The following DIAPH1 variants were observed in gnomAD, a reference collection of about 807,000 sequenced individuals.
DIAPH1 encodes protein diaphanous homolog 1.
DIAPH1 carries 46 observed loss-of-function variants against 140.7 expected under a neutral mutation model. The observed-to-expected ratio is 0.33, with a 90% CI of 0.26 to 0.42. The LOEUF is 0.42. DIAPH1 is among the 10% of genes least tolerant of loss of function. The pLI is 1.00. For missense variants in DIAPH1, 1,310 were observed against 1,558.7 expected, an observed-to-expected ratio of 0.84 and a Z score of 2.69; for synonymous variants, 565 against 551.6, an observed-to-expected ratio of 1.02 and a Z score of -0.34.
At chr5:141,553,583 C>T (rs1400279148) in intron 18 of DIAPH1, among the ~76,000 whole-genome samples, 4 of 151,818 alleles carry the variant, frequency 2.6e-5, no homozygotes, top group African/African-American at 9.7e-5. Context: ...GCAGAGGTTG[C>T]GGTGAGCCAA....
At chr5:141,524,281 G>A (rs760619932) in intron 26 of DIAPH1, 52 bp from the exon 27 acceptor site, 2 of 1,529,726 alleles carry the variant, frequency 1.3e-6, no homozygotes, top group South Asian at 2.2e-5. Context: ...GAGCAGCATG[G>A]CAAATATCAA....
In DIAPH1 at chr5:141,524,129, A is replaced by G. The variant is rs763939386; in HGVS notation, c.3661+14T>C. 3.2e-5 allele frequency: 52 copies of G among 1,613,200 alleles called. No homozygotes were observed. In the East Asian group the frequency reaches 1.1e-3, roughly 35 times the overall value. On this transcript the variant is annotated intron_variant, in intron 27 of 27. Coordinates refer to ENST00000389054, the MANE Select transcript of DIAPH1 (RefSeq NM_005219.5). ...CCCTTCGACACCCAGGATGAGCTCC[A>G]TGTGCTTACTTACCTTGACGGGGCC...
At chr5:141,605,089 C>T (rs2099900730) in intron 1 of DIAPH1, among the ~76,000 whole-genome samples, 1 of 151,956 alleles carries the variant, frequency 6.6e-6, no homozygotes, top group South Asian at 2.1e-4. Context: ...TTGGTTCTAA[C>T]CATTAAAAAA....
chr5:141,612,780 TAA>T (rs2099902045), intron 1 of DIAPH1, among the ~76,000 whole-genome samples: 1 of 152,172 alleles, frequency 6.6e-6, no homozygotes, highest in Admixed American at 6.5e-5. Context: ...AATAATGCTG[TAA>T]AAATAGAGAT....
intron 26 of DIAPH1, chr5:141,524,611 T>G: frequency 3.0e-6 from 1 of 333,512 alleles, no homozygotes; most frequent in Admixed American, 4.2e-5. Context: ...TATCCTAAAG[T>G]GTTTTGCCTG....
intron 1 of DIAPH1, among the ~76,000 whole-genome samples, chr5:141,600,588 G>A (rs897545843): frequency 3.3e-5 from 5 of 152,180 alleles, no homozygotes; most frequent in African/African-American, 1.2e-4. Context: ...CTACAAGTAT[G>A]ATTTTGAGCA....
intron 18 of DIAPH1, among the ~76,000 whole-genome samples, chr5:141,538,965 T>A (rs1208125791): frequency 6.6e-6 from 1 of 152,096 alleles, no homozygotes; most frequent in African/African-American, 2.4e-5. Flanking sequence ...GCCATCAGGG[T>A]AATACTAGCC....
In DIAPH1 at chr5:141,587,102, T is replaced by C. The variant is rs1357103310; in HGVS notation, c.240A>G (p.Thr80=). 1 of 1,614,210 alleles carries C rather than the reference T, an allele frequency of 6.2e-7. No individual in the cohort carries two copies. Among genetic ancestry groups the C allele is most frequent in the Admixed American group, 1.7e-5 (1 of 60,032 alleles). The change falls in exon 3 of 28, where the codon ACA becomes ACG. Residue 80 remains threonine, a synonymous_variant. Coordinates refer to ENST00000389054, the MANE Select transcript of DIAPH1 (RefSeq NM_005219.5). The part of the protein sequence containing the change: ...NSSASYGDDP[T]AQSLQDVSDE... ...CTGAAACATCTTGCAATGACTGTGC[T>C]GTGGGATCATCCCCATATGATGCAG...
Position 141,577,497 on chromosome 5 carries a change from C to G in DIAPH1, c.1258G>C (p.Val420Leu). ...TACCTGGCCTCATAGTCATTTCGGA[C>G]CAAGAGTAAGTGCTGCAGGATGGAA... Reference protein sequence around the residue: ...FLSILQHLLLVRNDYEARPQY... With the variant: ...FLSILQHLLLLRNDYEARPQY... Residue 420 changes from valine to leucine, a missense_variant, in exon 12 of 28, where the codon GTC becomes CTC. By Grantham distance (32) the Val-to-Leu change is conservative. This residue lies in a region of DIAPH1 where 589 missense variants were observed against 549.3 expected (regional missense o/e 1.07). Coordinates refer to ENST00000389054, the MANE Select transcript of DIAPH1 (RefSeq NM_005219.5). The G allele has an allele frequency of 6.2e-7, 1 of 1,613,390 alleles. No homozygotes were observed. Among genetic ancestry groups the G allele is most frequent in the African/African-American group, 1.3e-5 (1 of 74,986 alleles).
intron 19 of DIAPH1, among the ~76,000 whole-genome samples, chr5:141,532,237 T>A (rs1390977254): frequency 1.3e-5 from 2 of 152,066 alleles, no homozygotes; most frequent in African/African-American, 4.8e-5. Flanking sequence ...AGTGGTGCAA[T>A]CACAGCTCAC....
chr5:141,617,299 G>A (rs543529010), intron 1 of DIAPH1, among the ~76,000 whole-genome samples: 12 of 151,318 alleles, frequency 7.9e-5, no homozygotes, highest in Admixed American at 4.6e-4. Flanking sequence ...TATATTTCTA[G>A]GGGGGGAAAA....
At chr5:141,532,179 GTTTT>G (rs375556814) in intron 19 of DIAPH1, among the ~76,000 whole-genome samples, 1 of 146,090 alleles carries the variant, frequency 6.8e-6, no homozygotes, top group Admixed American at 6.9e-5. Flanking sequence ...TAATTTTTTG[GTTTT>G]TTTTTTTGAG....
chr5:141,574,815 A>T (rs1233958662), intron 15 of DIAPH1, 152 bp downstream of exon 15: 2 of 811,452 alleles, frequency 2.5e-6, no homozygotes, highest in East Asian at 5.2e-5. Context: ...CACAAACCAA[A>T]AACCAGTATA....
chr5:141,528,158 C>T (rs1448125345), intron 23 of DIAPH1, among the ~76,000 whole-genome samples: 2 of 152,072 alleles, frequency 1.3e-5, no homozygotes, highest in African/African-American at 4.8e-5. Context: ...TTAATGTAGT[C>T]TATGTTTTCT....
In DIAPH1 at chr5:141,577,495, G is replaced by A. The variant is rs1401356451; in HGVS notation, c.1260C>T (p.Val420=). Residue 420 remains valine (V), a synonymous_variant, in exon 12 of 28, where the codon GTC becomes GTT. Transcript: ENST00000389054. ...CTTACCTGGCCTCATAGTCATTTCGGACCAAGAGTAAGTGCTGCAGGATGG... is the reference window on the plus strand; with the variant it reads ...CTTACCTGGCCTCATAGTCATTTCGAACCAAGAGTAAGTGCTGCAGGATGG... ...FLSILQHLLL[V]RNDYEARPQY... is the part of the protein sequence containing the mutation. 1.9e-6 allele frequency: 3 copies of A among 1,613,196 alleles called. No homozygotes were observed. Among genetic ancestry groups the A allele is most frequent in the Middle Eastern group, 1.6e-4 (1 of 6,062 alleles).
intron 15 of DIAPH1, 70 bp downstream of exon 15, chr5:141,574,897 C>A: frequency 6.4e-7 from 1 of 1,560,282 alleles, no homozygotes. Context: ...AGCGAGATGA[C>A]TGACTCCTGT....
At chr5:141,535,109 C>T (rs921686557) in intron 18 of DIAPH1, among the ~76,000 whole-genome samples, 1 of 152,076 alleles carries the variant, frequency 6.6e-6, no homozygotes, top group African/African-American at 2.4e-5. Context: ...GCCACCACGC[C>T]CGGCTAATTT....
rs779708780 is a variant in DIAPH1, at chr5:141,582,297, T to A, written c.684+15A>T. On this transcript the variant is annotated intron_variant, in intron 7 of 27. Transcript: ENST00000389054. ...GTCCAGATGGGGTTTGGAATGAGAA[T>A]GGGAAAAATCTCACCTTGTTGTTCA... 2 of 1,609,520 alleles carry A rather than the reference T, an allele frequency of 1.2e-6. No individual in the cohort carries two copies. Among genetic ancestry groups the A allele is most frequent in the Non-Finnish European group, 1.7e-6 (2 of 1,175,874 alleles).
chr5:141,573,108 A>C (rs2099895434), intron 16 of DIAPH1, among the ~76,000 whole-genome samples: 1 of 152,216 alleles, frequency 6.6e-6, no homozygotes, highest in Admixed American at 6.5e-5. Flanking sequence ...ATCCATGCAC[A>C]AAATACAAAG....
Sources: gnomAD v4.1 joint callset for allele counts (sites outside exome capture counted in the v4.1 genomes callset) on GRCh38, gnomAD v4.1.1 for gene constraint, gnomAD v4.1.1 regional missense constraint, MANE v1.5 for transcripts, NCBI Gene and HGNC (gene_info 2026-07-23, HGNC 2026-07-21) for gene names.